Variants in GMEB1 observed in about 807,000 individuals in gnomAD.
GMEB1 encodes glucocorticoid modulatory element-binding protein 1.
In GMEB1, 6 loss-of-function variants were observed where a neutral mutation model predicts 52.4. The ratio of observed to expected loss-of-function variants is 0.11; its 90% CI spans 0.06 to 0.23. The LOEUF is 0.23. GMEB1 is among the 10% of genes least tolerant of loss of function. GMEB1 has a pLI of 1.00. For synonymous variants in GMEB1, 255 were observed against 244.9 expected (o/e 1.04, Z -0.38); for missense variants, 486 against 685.6 (o/e 0.71, Z 3.25).
chr1:28,692,678 G>A (rs1290846153), intron 4 of GMEB1, among the ~76,000 whole-genome samples: 1 of 152,020 alleles, frequency 6.6e-6, no homozygotes, highest in Non-Finnish European at 1.5e-5. Context: ...CTGATTCCAG[G>A]CATAAATGGA....
intron 3 of GMEB1, among the ~76,000 whole-genome samples, chr1:28,691,148 G>A (rs1189181730): frequency 3.3e-5 from 5 of 151,646 alleles, no homozygotes; most frequent in African/African-American, 7.3e-5. Context: ...AAAATTAGCC[G>A]GGCGTGGTGG....
intron 9 of GMEB1, among the ~76,000 whole-genome samples, chr1:28,711,112 CCT>C: frequency 6.6e-6 from 1 of 151,952 alleles, no homozygotes. Flanking sequence ...ATGGTGAAAC[CCT>C]GTCTCTACTA....
At chr1:28,711,768 T>C (rs973173205) in intron 9 of GMEB1, among the ~76,000 whole-genome samples, 1 of 152,208 alleles carries the variant, frequency 6.6e-6, no homozygotes, top group Non-Finnish European at 1.5e-5. Context: ...TTAGTATTTT[T>C]CAAGTTGCTA....
intron 6 of GMEB1, among the ~76,000 whole-genome samples, chr1:28,701,515 A>AC (rs1670516735): frequency 6.6e-6 from 1 of 151,682 alleles, no homozygotes; most frequent in African/African-American, 2.4e-5. Context: ...TGATCCGCCC[A>AC]CCTCGGCCTC....
chr1:28,679,668 T>C (rs1259539354), intron 1 of GMEB1, among the ~76,000 whole-genome samples: 3 of 152,116 alleles, frequency 2.0e-5, no homozygotes, highest in Non-Finnish European at 4.4e-5. Flanking sequence ...AGAGACTCAA[T>C]ATAATATTTG....
chr1:28,719,072 A>G lies in GMEB1; in HGVS notation c.*4299A>G, dbSNP rs1326913885. On this transcript the variant is annotated 3_prime_UTR_variant, in exon 10 of 10. Transcript: ENST00000373816. Reference sequence around the variant, plus strand: ...CCCACTGGAGAACGCTGAGTCATGCATGGGCTTCTCCAAGTTTCCATCAGA... The same window carrying G: ...CCCACTGGAGAACGCTGAGTCATGCGTGGGCTTCTCCAAGTTTCCATCAGA... 1 of 152,230 alleles carries G rather than the reference A, an allele frequency of 6.6e-6. No individual in the cohort carries two copies. Among genetic ancestry groups the G allele is most frequent in the Non-Finnish European group, 1.5e-5 (1 of 68,054 alleles). The allele number at this position is 152,230 out of a possible 1,614,324, so 9.4% of individuals were successfully genotyped here.
intron 6 of GMEB1, among the ~76,000 whole-genome samples, chr1:28,700,248 C>T (rs557850771): frequency 3.9e-5 from 6 of 151,906 alleles, no homozygotes; most frequent in South Asian, 4.2e-4. Context: ...CGCGGTGGCT[C>T]ACACCTGTAA....
rs754475423 is a variant in GMEB1 at position 28,714,390 on chromosome 1, C to G, written c.1309C>G (p.Arg437Gly). ...HTLPSGPQLF[R>G]YATVVSSAKS... ...ACTGCCTTCTGGCCCTCAGCTCTTC[C>G]GCTATGCCACAGTGGTCTCCTCTGC... Residue 437 changes from arginine to glycine, a missense_variant, in exon 10 of 10, where the codon CGC (arginine) becomes GGC (glycine). By Grantham distance (125) the Arg-to-Gly change is moderately radical. Around this residue, in one of 5 missense-constraint regions of GMEB1, gnomAD observed 153 missense variants for 200.8 expected, o/e 0.76. Transcript: ENST00000373816. 1.2e-6 allele frequency: 2 copies of G among 1,614,238 alleles called. No individual in the cohort carries two copies. The highest frequency in any genetic ancestry group is 8.5e-7 in the Non-Finnish European group (1 of 1,180,040).
At chr1:28,677,349 C>A (rs907446928) in intron 1 of GMEB1, among the ~76,000 whole-genome samples, 2 of 151,850 alleles carry the variant, frequency 1.3e-5, no homozygotes, top group Non-Finnish European at 2.9e-5. Flanking sequence ...AGGCGCCCAT[C>A]ACCACGTCTG....
chr1:28,686,164 G>A (rs1000842538), intron 2 of GMEB1, among the ~76,000 whole-genome samples: 7 of 151,326 alleles, frequency 4.6e-5, no homozygotes, highest in Non-Finnish European at 8.8e-5. Flanking sequence ...AACATGGCGA[G>A]ACCCTGTCTC....
At chr1:28,709,648 C>G (rs917341995) in intron 8 of GMEB1, among the ~76,000 whole-genome samples, 2 of 152,220 alleles carry the variant, frequency 1.3e-5, no homozygotes. Context: ...GATCTTGGTT[C>G]ACTGTAACGT....
At chr1:28,685,672 T>C (rs1479171630) in intron 2 of GMEB1, among the ~76,000 whole-genome samples, 4 of 152,166 alleles carry the variant, frequency 2.6e-5, no homozygotes, top group African/African-American at 9.6e-5. Flanking sequence ...TAAAAAATCT[T>C]GTTTACGGCC....
intron 6 of GMEB1, 148 bp downstream of exon 6, chr1:28,697,232 G>C (rs1196843883): frequency 1.7e-5 from 3 of 179,530 alleles, no homozygotes; most frequent in African/African-American, 8.6e-5. Context: ...TTTTGAGACA[G>C]AGTTTTGCTC....
chr1:28,685,958 C>T (rs768075595), intron 2 of GMEB1, among the ~76,000 whole-genome samples: 2 of 152,096 alleles, frequency 1.3e-5, no homozygotes, highest in African/African-American at 4.8e-5. Context: ...GACTCCGTCT[C>T]AAAACAAACA....
At chr1:28,671,964 A>G (rs1479356679) in intron 1 of GMEB1, among the ~76,000 whole-genome samples, 2 of 150,988 alleles carry the variant, frequency 1.3e-5, no homozygotes, top group Non-Finnish European at 3.0e-5. Context: ...TAAAAAATAC[A>G]AAAATTAGCT....
rs1397504306 is a variant in GMEB1 at position 28,692,965 on chromosome 1, C to G, written c.360C>G (p.Pro120=). Residue 120 remains proline (P), a synonymous_variant, in exon 5 of 10, where the codon CCC becomes CCG. Transcript: ENST00000373816. ...AGTTCAATGATCAGTTGATCAGCCCCAAGCACTTTGTTCATCTGGCTGGCA... is the reference window on the plus strand; with the variant it reads ...AGTTCAATGATCAGTTGATCAGCCCGAAGCACTTTGTTCATCTGGCTGGCA... The part of the protein sequence containing the change: ...CVKFNDQLIS[P]KHFVHLAGKS... 1 of 1,606,850 alleles carries G rather than the reference C, an allele frequency of 6.2e-7. No homozygotes were observed. Among genetic ancestry groups the G allele is most frequent in the Non-Finnish European group, 8.5e-7 (1 of 1,175,492 alleles).
Position 28,676,335 on chromosome 1 carries a change from T to C in GMEB1, c.-30-7248T>C, listed in dbSNP as rs188204713. On this transcript the variant is annotated intron_variant, in intron 1 of 9. Coordinates refer to ENST00000373816, the MANE Select transcript of GMEB1 (RefSeq NM_001319674.2). ...AATCTGAAACCCCAAATCTCCAAAA[T>C]CTGAAAATTTTTGAGCCAACATGAT... Among the ~76,000 whole-genome samples, 25 of 152,264 alleles carry C rather than the reference T, an allele frequency of 1.6e-4. No individual in the cohort carries two copies. In the East Asian group the frequency reaches 3.5e-3, roughly 21 times the overall value.
intron 6 of GMEB1, among the ~76,000 whole-genome samples, chr1:28,698,034 G>T (rs1337869628): frequency 6.6e-6 from 1 of 152,194 alleles, no homozygotes; most frequent in East Asian, 1.9e-4. Flanking sequence ...CAGCTGCTGG[G>T]GAGGCTGAGA....
intron 8 of GMEB1, among the ~76,000 whole-genome samples, chr1:28,708,546 C>T (rs1670892388): frequency 6.6e-6 from 1 of 152,104 alleles, no homozygotes; most frequent in Non-Finnish European, 1.5e-5. Context: ...ACTGCAACCT[C>T]TGCTTCACGG....
Sources: gnomAD v4.1 joint callset for allele counts (sites outside exome capture counted in the v4.1 genomes callset) on GRCh38, gnomAD v4.1.1 for gene constraint, gnomAD v4.1.1 regional missense constraint, MANE v1.5 for transcripts, NCBI Gene and HGNC (gene_info 2026-07-23, HGNC 2026-07-21) for gene names.